CNTNAP2: variants seen among roughly 807,000 people sequenced by gnomAD.
The protein encoded by CNTNAP2 is contactin associated protein 2, also known as contactin-associated protein-like 2.
Under a neutral mutation model 155.2 loss-of-function variants are expected in CNTNAP2, and 98 were observed. The observed-to-expected ratio is 0.63, with a 90% confidence interval of 0.54 to 0.75. The LOEUF is 0.75. Among genes scored for constraint, CNTNAP2 ranks in the 30% least tolerant of loss-of-function variants. The pLI, the probability that CNTNAP2 is intolerant of heterozygous loss-of-function variation, is 0.00. For synonymous variants in CNTNAP2, 651 were observed against 631.2 expected (o/e 1.03, Z -0.47); for missense variants, 1,727 against 1,688.1 (o/e 1.02, Z -0.40).
chr7:146,349,184 G>A (rs1258406601), intron 1 of CNTNAP2, among the ~76,000 whole-genome samples: 1 of 152,098 alleles, frequency 6.6e-6, no homozygotes, highest in African/African-American at 2.4e-5. Context: ...AAAAAATTCT[G>A]CCAAATTCTA....
chr7:147,867,076 G>T (rs150860591), intron 13 of CNTNAP2, among the ~76,000 whole-genome samples: 7 of 152,294 alleles, frequency 4.6e-5, no homozygotes, highest in African/African-American at 1.7e-4. Context: ...TGTTTTTGTA[G>T]TGGATGATAC....
chr7:148,303,117 G>A (rs776963055), intron 21 of CNTNAP2, among the ~76,000 whole-genome samples: 1 of 151,992 alleles, frequency 6.6e-6, no homozygotes, highest in Non-Finnish European at 1.5e-5. Context: ...TTTCTTTATA[G>A]CAGTGTGAAA....
intron 1 of CNTNAP2, among the ~76,000 whole-genome samples, chr7:146,407,071 G>A (rs900456402): frequency 5.9e-5 from 9 of 152,096 alleles, no homozygotes; most frequent in Admixed American, 3.3e-4. Flanking sequence ...GGTACTTGAC[G>A]GCAGAGGACA....
intron 18 of CNTNAP2, among the ~76,000 whole-genome samples, chr7:148,188,759 G>A (rs559786783): frequency 2.0e-5 from 3 of 152,204 alleles, no homozygotes; most frequent in East Asian, 3.9e-4. Context: ...TGTATGTACC[G>A]TACTATCATT....
At chr7:148,386,924 T>G (rs368467228) in intron 22 of CNTNAP2, among the ~76,000 whole-genome samples, 2 of 152,140 alleles carry the variant, frequency 1.3e-5, no homozygotes, top group Admixed American at 1.3e-4. Context: ...GAGGAACAGA[T>G]GGATTTCTAG....
At chr7:147,601,876 TTC>T (rs1800953684) in intron 12 of CNTNAP2, among the ~76,000 whole-genome samples, 1 of 151,970 alleles carries the variant, frequency 6.6e-6, no homozygotes, top group African/African-American at 2.4e-5. Context: ...CTCTCTTTCT[TTC>T]TCTGTTTCTC....
rs74868414 is a variant in CNTNAP2, at chr7:146,935,029, T to C, written c.402+95125T>C. Among the ~76,000 whole-genome samples the C allele has an allele frequency of 2.8e-3, 433 of 152,362 alleles. 1 individual carries two copies. The highest frequency in any genetic ancestry group is 9.7e-3 in the African/African-American group (405 of 41,602). ...CCTTTAAGAAACTTTTGATTTAAAA[T>C]GTGTTCATGACCTTGTGTTCATAAT... On this transcript the variant is annotated intron_variant, in intron 3 of 23. Transcript: ENST00000361727.
rs553806684 is a variant in CNTNAP2 at position 146,270,441 on chromosome 7, C to T, written c.97+153468C>T. ...AATTTTGATTGTTTTTGGCAATTAT[C>T]TTAAAGATTTCATATCCAGAAACTT... On this transcript the variant is annotated intron_variant, in intron 1 of 23. Transcript: ENST00000361727. 1.1e-4 allele frequency among the ~76,000 whole-genome samples: 16 copies of T among 152,224 alleles called. No individual in the cohort carries two copies. The South Asian group carries it at 2.7e-3, about 26-fold the overall frequency.
rs183246638 is a variant in CNTNAP2, at chr7:146,530,416, A to G, written c.98-243855A>G. On this transcript the variant is annotated intron_variant, in intron 1 of 23. Coordinates refer to ENST00000361727, the MANE Select transcript of CNTNAP2 (RefSeq NM_014141.6). ...AAACTAAAGATCTTTTATTCAGGGG[A>G]AAAAAAAAGAGCAAAGTAAACAGAC... Among the ~76,000 whole-genome samples the G allele has an allele frequency of 3.6e-3, 531 of 147,994 alleles. 4 individuals are homozygous for G. Among genetic ancestry groups the G allele is most frequent in the Non-Finnish European group, 4.8e-3 (325 of 67,776 alleles).
intron 14 of CNTNAP2, among the ~76,000 whole-genome samples, chr7:147,960,034 G>A (rs1031544694): frequency 6.6e-6 from 1 of 152,028 alleles, no homozygotes; most frequent in Non-Finnish European, 1.5e-5. Context: ...CCTTCCTTTA[G>A]GCTCAGAGAA....
chr7:147,422,330 C>T (rs922153201), intron 10 of CNTNAP2, among the ~76,000 whole-genome samples: 1 of 150,896 alleles, frequency 6.6e-6, no homozygotes, highest in Non-Finnish European at 1.5e-5. Flanking sequence ...AGCCATGGCT[C>T]TACCCTGAAT....
chr7:148,388,462 A>T (rs2116671248), intron 22 of CNTNAP2, among the ~76,000 whole-genome samples: 1 of 152,026 alleles, frequency 6.6e-6, no homozygotes, highest in East Asian at 1.9e-4. Flanking sequence ...TGTCCCTAGA[A>T]AGGACATGAA....
intron 10 of CNTNAP2, among the ~76,000 whole-genome samples, chr7:147,416,351 A>G (rs1295049889): frequency 1.3e-5 from 2 of 152,184 alleles, no homozygotes; most frequent in East Asian, 3.9e-4. Flanking sequence ...GAAATAAACC[A>G]CAATCTTGGT....
chr7:146,700,385 C>A (rs540405894), intron 1 of CNTNAP2, among the ~76,000 whole-genome samples: 1 of 151,910 alleles, frequency 6.6e-6, no homozygotes, highest in Non-Finnish European at 1.5e-5. Flanking sequence ...TTGTGAGGAC[C>A]AGAGTGATGA....
intron 4 of CNTNAP2, among the ~76,000 whole-genome samples, chr7:147,057,720 T>C (rs916734762): frequency 3.3e-5 from 5 of 152,178 alleles, no homozygotes; most frequent in African/African-American, 1.2e-4. Context: ...GGTGCTAAAG[T>C]GTCACCTAGA....
At chr7:148,137,713 GAAGGAAGGAAGGAAGGAAGGAA>G (rs1563211769) in intron 16 of CNTNAP2, among the ~76,000 whole-genome samples, 58 of 150,750 alleles carry the variant, frequency 3.8e-4, no homozygotes, top group African/African-American at 1.4e-3. Context: ...AGGAAGGAAG[GAAGGAAGGAAGGAAGGAAGGAA>G]GGTTCTCCTT....
intron 1 of CNTNAP2, among the ~76,000 whole-genome samples, chr7:146,406,070 A>C (rs926847153): frequency 2.0e-5 from 3 of 152,228 alleles, no homozygotes; most frequent in African/African-American, 4.8e-5. Flanking sequence ...GAATGACAGC[A>C]CTAATTGTCA....
chr7:146,364,636 T>C (rs1479400235), intron 1 of CNTNAP2, among the ~76,000 whole-genome samples: 1 of 152,198 alleles, frequency 6.6e-6, no homozygotes, highest in African/African-American at 2.4e-5. Context: ...GTATGACTAC[T>C]ATAAATTCTC....
chr7:146,361,129 C>A lies in CNTNAP2; in HGVS notation c.97+244156C>A, dbSNP rs548668151. Among the ~76,000 whole-genome samples, 3 of 152,202 alleles carry A rather than the reference C, an allele frequency of 2.0e-5. No homozygotes were observed. The East Asian group carries it at 5.8e-4, about 29-fold the overall frequency. The stretch of plus-strand genomic sequence containing the variant: ...TTAAGAACGACAAATTCCTGAAATA[C>A]CTGTGGAAGAAAAATGACATCTTAA... On this transcript the variant is annotated intron_variant, in intron 1 of 23. Coordinates refer to ENST00000361727, the MANE Select transcript of CNTNAP2 (RefSeq NM_014141.6).
Sources: gnomAD v4.1 joint callset for allele counts (sites outside exome capture counted in the v4.1 genomes callset) on GRCh38, gnomAD v4.1.1 for gene constraint, MANE v1.5 for transcripts, NCBI Gene and HGNC (gene_info 2026-07-23, HGNC 2026-07-21) for gene names.